The following TRPC1 variants were observed in gnomAD, a reference collection of about 807,000 sequenced individuals.
TRPC1 encodes the protein transient receptor potential cation channel subfamily C member 1, also known as short transient receptor potential channel 1.
Under a neutral mutation model 88.2 loss-of-function variants are expected in TRPC1, and 42 were observed. The ratio of observed to expected loss-of-function variants is 0.48; its 90% CI spans 0.37 to 0.62. The LOEUF (loss-of-function observed/expected upper bound fraction) is 0.62, where lower values mean the gene tolerates loss of function less well. Among genes scored for constraint, TRPC1 ranks in the 20% least tolerant of loss-of-function variants. The pLI is 0.00. For missense variants in TRPC1, 699 were observed against 957.3 expected (o/e 0.73, Z 3.56); for synonymous variants, 288 against 331.8 (o/e 0.87, Z 1.43).
At chr3:142,763,255 G>C (rs528983439) in intron 4 of TRPC1, among the ~76,000 whole-genome samples, 4 of 151,980 alleles carry the variant, frequency 2.6e-5, no homozygotes, top group African/African-American at 9.6e-5. Flanking sequence ...TCTATTACTA[G>C]AGTGGCATGT....
chr3:142,789,878 G>A (rs1936244443), intron 7 of TRPC1, among the ~76,000 whole-genome samples: 1 of 152,046 alleles, frequency 6.6e-6, no homozygotes, highest in Non-Finnish European at 1.5e-5. Context: ...AGGACATTTG[G>A]AAACATCGGT....
intron 3 of TRPC1, among the ~76,000 whole-genome samples, chr3:142,746,568 A>G (rs1934563016): frequency 6.6e-6 from 1 of 152,208 alleles, no homozygotes; most frequent in African/African-American, 2.4e-5. Flanking sequence ...AAATCAGATA[A>G]GTATATCAGA....
At chr3:142,729,119 G>T (rs1366103106) in intron 1 of TRPC1, among the ~76,000 whole-genome samples, 1 of 152,126 alleles carries the variant, frequency 6.6e-6, no homozygotes, top group Non-Finnish European at 1.5e-5. Flanking sequence ...AACGGTTCAG[G>T]GATACTTTAA....
intron 2 of TRPC1, 134 bp downstream of exon 2, chr3:142,736,667 CTCCTT>C: frequency 2.4e-6 from 2 of 822,412 alleles, no homozygotes; most frequent in Non-Finnish European, 1.7e-6. Flanking sequence ...CTCTCTTACT[CTCCTT>C]CTGTCTTTCA....
At chr3:142,786,299 T>G (rs932481002) in intron 7 of TRPC1, among the ~76,000 whole-genome samples, 1 of 152,174 alleles carries the variant, frequency 6.6e-6, no homozygotes, top group Non-Finnish European at 1.5e-5. Context: ...AATTATTTAG[T>G]ACTTTCATAA....
chr3:142,769,345 CTTCT>C lies in TRPC1; in HGVS notation c.633-8282_633-8279del, dbSNP rs1223418571. 6.6e-5 allele frequency among the ~76,000 whole-genome samples: 10 copies of C among 151,194 alleles called. No homozygotes were observed. The East Asian group carries it at 1.7e-3, about 26-fold the overall frequency. On this transcript the variant is annotated intron_variant, in intron 4 of 12. Transcript: ENST00000476941. Reference sequence around the variant, plus strand: ...GTCATGTTACTGATTTGAGATCTTTCTTCTTTCTATTTTTAAAACATTTTTATTT... The same window carrying C: ...GTCATGTTACTGATTTGAGATCTTTCTTCTATTTTTAAAACATTTTTATTT...
At position 142,806,187 on chromosome 3, in the gene TRPC1, A is replaced by T. The variant is rs1205723162; in HGVS notation, c.2334A>T (p.Leu778Phe). Reference protein sequence around the residue: ...LSKFRNEIRDLLGFRTSKYAM... With the variant: ...LSKFRNEIRDFLGFRTSKYAM... ...AATTCCGAAATGAAATAAGGGATTT[A>T]CTTGGCTTTCGGACTTCTAAATATG... Residue 778 changes from leucine to phenylalanine, a missense_variant, in exon 13 of 13, where the codon TTA becomes TTT. Leu to Phe is a conservative substitution (Grantham distance 22, BLOSUM62 0). Coordinates refer to ENST00000476941, the MANE Select transcript of TRPC1 (RefSeq NM_001251845.2). 1.2e-6 allele frequency: 2 copies of T among 1,613,542 alleles called. No individual in the cohort carries two copies. The highest frequency in any genetic ancestry group is 4.5e-5 in the East Asian group (2 of 44,840).
chr3:142,746,100 A>G (rs1934544650), intron 3 of TRPC1, among the ~76,000 whole-genome samples: 1 of 152,180 alleles, frequency 6.6e-6, no homozygotes, highest in African/African-American at 2.4e-5. Context: ...ATATTTTTAT[A>G]TATTTTAAAT....
In TRPC1 at chr3:142,724,740, T is replaced by G; in HGVS notation, c.172+9T>G. On this transcript the variant is annotated intron_variant, in intron 1 of 12. Transcript: ENST00000476941. The surrounding 1 kb of genome is among the most constrained non-coding windows in gnomAD (Gnocchi z 5.6). Reference sequence around the variant, plus strand: ...GCTGGCGTGCGACAAGGGTGAGAGTTAGGCCCCTTTCTCCTCTGGACGCCC... The same window carrying G: ...GCTGGCGTGCGACAAGGGTGAGAGTGAGGCCCCTTTCTCCTCTGGACGCCC... 2 of 1,559,300 alleles carry G rather than the reference T, an allele frequency of 1.3e-6. No individual in the cohort carries two copies. The highest frequency in any genetic ancestry group is 1.7e-6 in the Non-Finnish European group (2 of 1,146,914).
chr3:142,761,640 T>C (rs935147629), intron 4 of TRPC1, among the ~76,000 whole-genome samples: 6 of 152,110 alleles, frequency 3.9e-5, no homozygotes, highest in Admixed American at 3.9e-4. Context: ...AGAGTTTGAG[T>C]AAGGTTGGTA....
Position 142,774,993 on chromosome 3 carries a change from C to G in TRPC1, c.633-2639C>G, listed in dbSNP as rs72990714. 4.4e-3 allele frequency among the ~76,000 whole-genome samples: 664 copies of G among 152,122 alleles called. 8 individuals are homozygous for G. Among genetic ancestry groups the G allele is most frequent in the African/African-American group, 0.015 (618 of 41,492 alleles). On this transcript the variant is annotated intron_variant, in intron 4 of 12. Transcript: ENST00000476941. ...TGATAAAGTAGGTTAATACAAAAGCCTATTTTTGAAACAGTGTGATAAAAT... is the reference window on the plus strand; with the variant it reads ...TGATAAAGTAGGTTAATACAAAAGCGTATTTTTGAAACAGTGTGATAAAAT...
chr3:142,724,819 C>T lies in TRPC1; in HGVS notation c.172+88C>T, dbSNP rs999979448. 2.9e-6 allele frequency: 4 copies of T among 1,395,056 alleles called. No individual in the cohort carries two copies. The highest frequency in any genetic ancestry group is 5.4e-5 in the Admixed American group (2 of 37,142). 86.4% of individuals were successfully genotyped at this position (1,395,056 alleles called of 1,614,324 possible). On this transcript the variant is annotated intron_variant, in intron 1 of 12. Transcript: ENST00000476941. The surrounding 1 kb of genome is among the most constrained non-coding windows in gnomAD (Gnocchi z 5.6). The stretch of plus-strand genomic sequence containing the variant: ...CCGCCTCAACTTATATCGGGGCATT[C>T]CCTCTGTCTCAGGCGCCGAGTGTCT...
chr3:142,755,462 G>A (rs1053985826), intron 4 of TRPC1, among the ~76,000 whole-genome samples: 1 of 152,080 alleles, frequency 6.6e-6, no homozygotes, highest in African/African-American at 2.4e-5. Flanking sequence ...TCGCTACAGT[G>A]TTAGATTGGA....
chr3:142,781,230 CAGTA>C (rs1211230727), intron 6 of TRPC1, among the ~76,000 whole-genome samples: 17 of 152,126 alleles, frequency 1.1e-4, no homozygotes, highest in African/African-American at 3.6e-4. Context: ...GGGTTTAGCA[CAGTA>C]AGTATTAGCA....
chr3:142,783,885 C>T (rs1047806233), intron 6 of TRPC1, among the ~76,000 whole-genome samples: 10 of 152,130 alleles, frequency 6.6e-5, no homozygotes, highest in Non-Finnish European at 1.3e-4. Flanking sequence ...AGTTATACTT[C>T]ACAACATGAG....
chr3:142,756,748 G>A (rs1246826359), intron 4 of TRPC1, among the ~76,000 whole-genome samples: 2 of 152,082 alleles, frequency 1.3e-5, no homozygotes, highest in Non-Finnish European at 2.9e-5. Context: ...GAGTGTAGTG[G>A]TTTCTTACTG....
rs1006553249 is a variant in TRPC1, at chr3:142,737,841, G to A, written c.327+1308G>A. On this transcript the variant is annotated intron_variant, in intron 2 of 12. Coordinates refer to ENST00000476941, the MANE Select transcript of TRPC1 (RefSeq NM_001251845.2). Reference sequence around the variant, plus strand: ...GTTTTAGAAGAAAGACTGTATATATGTGTGTTTGTGTATGTGCGTTTGTGT... The same window carrying A: ...GTTTTAGAAGAAAGACTGTATATATATGTGTTTGTGTATGTGCGTTTGTGT... 2.6e-5 allele frequency among the ~76,000 whole-genome samples: 4 copies of A among 152,162 alleles called. No homozygotes were observed. The South Asian group carries it at 6.2e-4, about 24-fold the overall frequency.
chr3:142,779,248 GC>G (rs1367967923), intron 5 of TRPC1, among the ~76,000 whole-genome samples: 1 of 152,136 alleles, frequency 6.6e-6, no homozygotes, highest in Admixed American at 6.5e-5. Context: ...ACTAATAGCA[GC>G]ATCTAATTAG....
intron 1 of TRPC1, among the ~76,000 whole-genome samples, chr3:142,728,266 A>G (rs1933760037): frequency 6.6e-6 from 1 of 151,692 alleles, no homozygotes; most frequent in African/African-American, 2.4e-5. Flanking sequence ...GCCTAGTCTC[A>G]GTGTCCTGTG....
Sources: gnomAD v4.1 joint callset for allele counts (sites outside exome capture counted in the v4.1 genomes callset) on GRCh38, gnomAD v4.1.1 for gene constraint, Gnocchi (gnomAD v3.1) non-coding constraint, MANE v1.5 for transcripts, NCBI Gene and HGNC (gene_info 2026-07-23, HGNC 2026-07-21) for gene names.